C12orf54: variants seen among roughly 807,000 people sequenced by gnomAD.
C12orf54 encodes the protein chromosome 12 open reading frame 54.
In C12orf54, 24 loss-of-function variants were observed where a neutral mutation model predicts 26.4. The ratio of observed to expected loss-of-function variants is 0.91; its 90% CI spans 0.66 to 1.28. C12orf54 has a LOEUF of 1.28. Among genes scored for constraint, C12orf54 ranks in the 50% most tolerant of loss-of-function variants. C12orf54 has a pLI of 0.00. For synonymous variants in C12orf54, 54 were observed against 47.0 expected (o/e 1.15, Z -0.61); for missense variants, 154 against 150.9 (o/e 1.02, Z -0.11).
At chr12:48,454,646 A>G in the C12orf54 span, among the ~76,000 whole-genome samples, 1 of 152,208 alleles carries the variant, frequency 6.6e-6, no homozygotes, top group Non-Finnish European at 1.5e-5. Flanking sequence ...GTTATGCAGC[A>G]TAAAATAAGT....
At chr12:48,428,633 C>A in the C12orf54 span, among the ~76,000 whole-genome samples, 23 of 151,900 alleles carry the variant, frequency 1.5e-4, no homozygotes, top group Admixed American at 1.0e-3. Flanking sequence ...AATTAGATAC[C>A]CTAAACAGAC....
chr12:48,436,670 A>C, the C12orf54 span, among the ~76,000 whole-genome samples: 6 of 152,232 alleles, frequency 3.9e-5, no homozygotes, highest in Non-Finnish European at 7.3e-5. Flanking sequence ...GTACATAACG[A>C]AATCAAGGCA....
chr12:48,487,962 A>G, intron 4 of C12orf54: 1 of 730,468 alleles, frequency 1.4e-6, no homozygotes, highest in Non-Finnish European at 2.5e-6. Flanking sequence ...ATACCTAAGA[A>G]GAACTGGGTT....
At chr12:48,464,056 A>G in the C12orf54 span, among the ~76,000 whole-genome samples, 1 of 152,092 alleles carries the variant, frequency 6.6e-6, no homozygotes, top group Non-Finnish European at 1.5e-5. Context: ...TATTCAACGT[A>G]GTATTGGAAG....
chr12:48,441,417 C>T, the C12orf54 span, among the ~76,000 whole-genome samples: 12 of 151,958 alleles, frequency 7.9e-5, no homozygotes, highest in Non-Finnish European at 1.5e-4. Context: ...GAATAGAGAC[C>T]GTGCCACTGC....
At chr12:48,415,931 G>A in the C12orf54 span, among the ~76,000 whole-genome samples, 17 of 152,178 alleles carry the variant, frequency 1.1e-4, no homozygotes, top group African/African-American at 3.6e-4. Flanking sequence ...GCATGTCCCC[G>A]ATTATCCTGA....
At chr12:48,438,119 A>G in the C12orf54 span, among the ~76,000 whole-genome samples, 2 of 152,218 alleles carry the variant, frequency 1.3e-5, no homozygotes, top group Non-Finnish European at 2.9e-5. Context: ...ACAGACAAAC[A>G]GAGAGCCAAA....
chr12:48,472,912 T>C, the C12orf54 span: 1 of 1,614,058 alleles, frequency 6.2e-7, no homozygotes, highest in Non-Finnish European at 8.5e-7. Flanking sequence ...CTAGAAGTAT[T>C]GGCAGAAAAG....
chr12:48,489,425 A>ATCTC lies in C12orf54; in HGVS notation c.168+483_168+486dup, dbSNP rs56968979. On this transcript the variant is annotated intron_variant, in intron 5 of 8. Transcript: ENST00000548364. ...TCTATAGATTTCAGTGTCTCTCTCA[A>ATCTC]TCTCTCTCTCTCTCTCTTTGAGACA... The ATCTC allele has an allele frequency of 4.4e-3, 1,091 of 246,522 alleles. No individual in the cohort carries two copies. In the East Asian group the frequency reaches 0.056, roughly 13 times the overall value. 15.3% of individuals were successfully genotyped at this position (246,522 alleles called of 1,614,324 possible). A position where few individuals can be genotyped will look rare whatever the true frequency, so the allele number is the denominator to read the frequency against.
chr12:48,437,739 G>C, the C12orf54 span, among the ~76,000 whole-genome samples: 5 of 151,654 alleles, frequency 3.3e-5, no homozygotes, highest in African/African-American at 1.2e-4. Flanking sequence ...ATTAGGTATT[G>C]ATGGGACGTA....
chr12:48,489,117 C>G, intron 5 of C12orf54, 161 bp downstream of exon 5: 1 of 809,520 alleles, frequency 1.2e-6, no homozygotes, highest in Non-Finnish European at 2.2e-6. Flanking sequence ...CTTGTCAGTC[C>G]AGGCGGCTAA....
rs557544101 is a variant in C12orf54 at position 48,485,392 on chromosome 12, G to T, written c.66-786G>T. On this transcript the variant is annotated intron_variant, in intron 2 of 8. Coordinates refer to ENST00000548364, the MANE Select transcript of C12orf54 (RefSeq NM_152319.4). ...AGAGCCCAGTTTTCTCTCTATTCTG[G>T]GTCCCCAGACTCCCTGTGACTACTG... Among the ~76,000 whole-genome samples, 239 of 152,100 alleles carry T rather than the reference G, an allele frequency of 1.6e-3. 1 individual carries two copies. Among genetic ancestry groups the T allele is most frequent in the African/African-American group, 5.5e-3 (229 of 41,448 alleles).
the C12orf54 span, among the ~76,000 whole-genome samples, chr12:48,419,283 C>A: frequency 6.6e-6 from 1 of 152,038 alleles, no homozygotes; most frequent in Non-Finnish European, 1.5e-5. Flanking sequence ...GTCATAAAGC[C>A]CTAGTTCTGT....
At chr12:48,488,336 T>C (rs1206219514) in intron 4 of C12orf54, 1 of 527,754 alleles carries the variant, frequency 1.9e-6, no homozygotes. Flanking sequence ...GACAGAATGC[T>C]GTGCCCCCTG....
the C12orf54 span, among the ~76,000 whole-genome samples, chr12:48,430,822 A>G: frequency 2.6e-5 from 4 of 152,204 alleles, no homozygotes; most frequent in African/African-American, 4.8e-5. Flanking sequence ...AAAATCAATC[A>G]TTACACAAAA....
the C12orf54 span, among the ~76,000 whole-genome samples, chr12:48,470,633 C>T: frequency 1.3e-5 from 2 of 151,918 alleles, no homozygotes; most frequent in South Asian, 4.1e-4. Context: ...TTACTGATGG[C>T]TTCTTTGGCT....
the C12orf54 span, among the ~76,000 whole-genome samples, chr12:48,422,362 C>G: frequency 4.5e-4 from 69 of 152,318 alleles, 2 homozygotes; most frequent in Admixed American, 4.5e-3. Context: ...ACAGTTTCTG[C>G]TTAAGAACCA....
the C12orf54 span, among the ~76,000 whole-genome samples, chr12:48,432,821 A>G: frequency 6.6e-6 from 1 of 151,954 alleles, no homozygotes; most frequent in East Asian, 1.9e-4. Flanking sequence ...GTGAGCCCAG[A>G]TCACACCATT....
the C12orf54 span, among the ~76,000 whole-genome samples, chr12:48,476,053 A>T: frequency 1.3e-5 from 2 of 152,158 alleles, no homozygotes; most frequent in East Asian, 3.8e-4. Flanking sequence ...ATCTCTCGGC[A>T]GAAACTCTAC....
Sources: allele counts gnomAD v4.1 joint callset (sites outside exome capture counted in the v4.1 genomes callset), GRCh38; gene constraint gnomAD v4.1.1; transcripts MANE v1.5; gene names NCBI Gene and HGNC (gene_info 2026-07-23, HGNC 2026-07-21).